COL11A1: variants seen among roughly 807,000 people sequenced by gnomAD.
The protein encoded by COL11A1 is collagen alpha-1(XI) chain.
A neutral mutation model predicts 265.2 loss-of-function variants in COL11A1; 74 were observed. The observed-to-expected ratio is 0.28, with a 90% CI of 0.23 to 0.34. The LOEUF (loss-of-function observed/expected upper bound fraction) is 0.34, where lower values mean the gene tolerates loss of function less well. Among genes scored for constraint, COL11A1 ranks in the 10% least tolerant of loss-of-function variants. The probability of loss-of-function intolerance (pLI) is 1.00; values close to 1 mark genes in which losing one functional copy is unlikely to be tolerated. For synonymous variants in COL11A1, 816 were observed against 727.6 expected, an observed-to-expected ratio of 1.12 and a Z score of -1.96; for missense variants, 2,165 against 2,263.6, an observed-to-expected ratio of 0.96 and a Z score of 0.88.
intron 4 of COL11A1, among the ~76,000 whole-genome samples, chr1:103,059,514 G>A (rs1172368311): frequency 6.6e-6 from 1 of 152,118 alleles, no homozygotes; most frequent in Non-Finnish European, 1.5e-5. Context: ...ACAGTTTAAA[G>A]AGACTGAATA....
chr1:103,008,511 C>G lies in COL11A1; in HGVS notation c.1635G>C (p.Gly545=), dbSNP rs746478999. The change falls in exon 15 of 67, where the codon GGG becomes GGC. Residue 545 remains glycine, a synonymous_variant. Coordinates refer to ENST00000370096, the MANE Select transcript of COL11A1 (RefSeq NM_001854.4). The part of the protein sequence containing the change: ...GLTGRPGPVG[G]PGSSGAKGES... ...CACCTTTGGCCCCAGATGAACCAGGCCCCCCCTATAGAGAAAAAGTGAAGA... is the reference window on the plus strand; with the variant it reads ...CACCTTTGGCCCCAGATGAACCAGGGCCCCCCTATAGAGAAAAAGTGAAGA... 6.8e-6 allele frequency: 11 copies of G among 1,612,818 alleles called. No individual in the cohort carries two copies. In the African/African-American group the frequency reaches 1.3e-4, roughly 20 times the overall value.
intron 24 of COL11A1, chr1:103,001,297 T>A (rs1205176312): frequency 1.0e-5 from 4 of 396,544 alleles, no homozygotes; most frequent in East Asian, 3.6e-5. Flanking sequence ...TAGTTTTTTT[T>A]AATTAATATG....
intron 38 of COL11A1, among the ~76,000 whole-genome samples, chr1:102,964,453 A>C (rs190083936): frequency 2.0e-5 from 3 of 152,188 alleles, no homozygotes; most frequent in East Asian, 3.8e-4. Context: ...CACACTCTAT[A>C]AAATAACATC....
chr1:102,930,056 C>T (rs1557835004), intron 46 of COL11A1, among the ~76,000 whole-genome samples: 1 of 152,158 alleles, frequency 6.6e-6, no homozygotes, highest in Non-Finnish European at 1.5e-5. Context: ...ATTTGACTTC[C>T]TCTTTTCCTA....
intron 61 of COL11A1, 30 bp from the exon 62 acceptor site, chr1:102,888,660 A>G (rs749149323): frequency 2.5e-5 from 40 of 1,613,704 alleles, no homozygotes; most frequent in Middle Eastern, 3.3e-4. Flanking sequence ...GGACATAAAT[A>G]AAGAAGAGGC....
chr1:103,036,321 CGTAT>C (rs1557978014), intron 4 of COL11A1, among the ~76,000 whole-genome samples: 1 of 20,450 alleles, frequency 4.9e-5, no homozygotes, highest in Non-Finnish European at 1.2e-4. Flanking sequence ...AAGTTGCTAT[CGTAT>C]ATATATATAT....
chr1:103,063,597 A>G (rs1670842244), intron 4 of COL11A1, among the ~76,000 whole-genome samples: 1 of 152,192 alleles, frequency 6.6e-6, no homozygotes, highest in Non-Finnish European at 1.5e-5. Context: ...ACACAAAACC[A>G]TGAAACTCCT....
At chr1:102,970,997 T>TCAAAAAA (rs1661920329) in intron 36 of COL11A1, among the ~76,000 whole-genome samples, 1 of 128,718 alleles carries the variant, frequency 7.8e-6, no homozygotes, top group African/African-American at 2.9e-5. Flanking sequence ...CGAGACCGTC[T>TCAAAAAA]CAAAAAACAA....
In COL11A1 at chr1:102,883,205, A is replaced by C. The variant is rs74778421; in HGVS notation, c.4965T>G (p.Ser1655=). 1.5e-3 allele frequency: 2,446 copies of C among 1,607,722 alleles called. 28 individuals are homozygous for C. In the African/African-American group the frequency reaches 0.03, roughly 20 times the overall value. Residue 1655 remains serine (S), a synonymous_variant, in exon 64 of 67, where the codon TCT becomes TCG. Coordinates refer to ENST00000370096, the MANE Select transcript of COL11A1 (RefSeq NM_001854.4). ...GETCIYPDKK[S]EGVRISSWPK... ...AAAACAGATTGGTACTTACTCCCTC[A>C]GATTTTTTGTCTGGATAAATGCAAG...
Position 102,978,902 on chromosome 1 carries a change from AC to A in COL11A1, c.2666del (p.Gly889ValfsTer93). The A allele has an allele frequency of 6.2e-7, 1 of 1,614,126 alleles. No individual in the cohort carries two copies. Among genetic ancestry groups the A allele is most frequent in the Non-Finnish European group, 8.5e-7 (1 of 1,179,988 alleles). ...RGQRGPTGPR[G>X]SRGARGPTGK... Reference sequence around the variant, plus strand: ...CAGTGGGACCTCTTGCACCTCTTGAACCTCGAGGACCCTGCAGATGAGAACA... The same window carrying A: ...CAGTGGGACCTCTTGCACCTCTTGAACTCGAGGACCCTGCAGATGAGAACA... On this transcript the variant is annotated frameshift_variant, in exon 34 of 67. Transcript: ENST00000370096. LOFTEE classifies it high-confidence loss of function.
chr1:103,040,778 AGTAT>A (rs1237420320), intron 4 of COL11A1, among the ~76,000 whole-genome samples: 1 of 151,734 alleles, frequency 6.6e-6, no homozygotes, highest in African/African-American at 2.4e-5. Context: ...TAAGGAAACA[AGTAT>A]GTAATATTTT....
At chr1:103,095,021 G>A (rs2102388470) in intron 1 of COL11A1, among the ~76,000 whole-genome samples, 1 of 152,144 alleles carries the variant, frequency 6.6e-6, no homozygotes, top group East Asian at 1.9e-4. Context: ...AGTACAAAAT[G>A]CCGTTACCAT....
chr1:102,885,461 C>T (rs981867279), intron 63 of COL11A1, among the ~76,000 whole-genome samples: 1 of 152,074 alleles, frequency 6.6e-6, no homozygotes, highest in African/African-American at 2.4e-5. Context: ...GAACTCTAAA[C>T]AATGCAATAT....
At chr1:102,896,533 A>G (rs1652450692) in intron 57 of COL11A1, among the ~76,000 whole-genome samples, 1 of 152,176 alleles carries the variant, frequency 6.6e-6, no homozygotes, top group African/African-American at 2.4e-5. Flanking sequence ...TACACATTAT[A>G]TTCACATCGT....
rs763199410 is a variant in COL11A1 at position 102,898,728 on chromosome 1, C to T, written c.4186G>A (p.Gly1396Ser). ...GGCTTTCCTGCAGGTCCCTGAGGACCGACTGGGCCGGTTTTTCCAGGAGGA... is the reference window on the plus strand; with the variant it reads ...GGCTTTCCTGCAGGTCCCTGAGGACTGACTGGGCCGGTTTTTCCAGGAGGA... Reference protein sequence around the residue: ...EGPPGKTGPVGPQGPAGKPGP... With the variant: ...EGPPGKTGPVSPQGPAGKPGP... The change falls in exon 56 of 67, where the codon GGT (glycine) becomes AGT (serine). Residue 1396 changes from glycine to serine, a missense_variant. Transcript: ENST00000370096. 7.7e-5 allele frequency: 124 copies of T among 1,612,886 alleles called. No individual in the cohort carries two copies. The highest frequency in any genetic ancestry group is 4.4e-4 in the South Asian group (40 of 91,058).
chr1:103,032,565 G>A (rs898046963), intron 4 of COL11A1, among the ~76,000 whole-genome samples: 1 of 152,018 alleles, frequency 6.6e-6, no homozygotes, highest in Admixed American at 6.6e-5. Flanking sequence ...AATAGTGTAA[G>A]AAGTGCCAAG....
chr1:102,987,812 T>C, intron 29 of COL11A1, 72 bp from the exon 30 acceptor site: 2 of 1,135,564 alleles, frequency 1.8e-6, no homozygotes, highest in Non-Finnish European at 2.7e-6. Context: ...GAAAAAATTA[T>C]GACAGTGAAA....
chr1:103,041,653 TA>T (rs1668818230), intron 4 of COL11A1, among the ~76,000 whole-genome samples: 1 of 151,958 alleles, frequency 6.6e-6, no homozygotes, highest in South Asian at 2.1e-4. Flanking sequence ...AGAGGACTTT[TA>T]AAGTATGCAT....
chr1:102,979,217 T>G (rs1662801644), intron 32 of COL11A1, 113 bp from the exon 33 acceptor site: 4 of 1,281,756 alleles, frequency 3.1e-6, no homozygotes, highest in Non-Finnish European at 4.5e-6. Flanking sequence ...TCATTCGTAT[T>G]CATTTAGAGA....
Sources: gnomAD v4.1 joint callset for allele counts (sites outside exome capture counted in the v4.1 genomes callset) on GRCh38, gnomAD v4.1.1 for gene constraint, MANE v1.5 for transcripts, NCBI Gene and HGNC (gene_info 2026-07-23, HGNC 2026-07-21) for gene names.